Variants in CSNK1G3 observed in about 807,000 individuals in gnomAD.
The protein encoded by CSNK1G3 is casein kinase I isoform gamma-3.
Under a neutral mutation model 64.3 loss-of-function variants are expected in CSNK1G3, and 23 were observed. That is an observed-to-expected ratio of 0.36 (90% CI 0.26 to 0.51). The LOEUF is 0.51. Ranked by LOEUF, CSNK1G3 falls within the 20% of genes least tolerant of loss-of-function variation. The probability of loss-of-function intolerance (pLI) is 0.96; values close to 1 mark genes in which losing one functional copy is unlikely to be tolerated. For synonymous variants in CSNK1G3, 158 were observed against 162.2 expected (o/e 0.97, Z 0.20); for missense variants, 357 against 510.5 (o/e 0.70, Z 2.90).
intron 4 of CSNK1G3, among the ~76,000 whole-genome samples, chr5:123,558,163 A>G (rs900335447): frequency 5.9e-5 from 9 of 152,158 alleles, no homozygotes; most frequent in African/African-American, 9.7e-5. Context: ...ATTCAGACCA[A>G]TGAAACTGAT....
chr5:123,569,828 A>T (rs1787717688), intron 4 of CSNK1G3, among the ~76,000 whole-genome samples: 1 of 152,156 alleles, frequency 6.6e-6, no homozygotes, highest in Non-Finnish European at 1.5e-5. Flanking sequence ...CATTAATGGA[A>T]AGCATTCAAT....
At chr5:123,593,712 A>C (rs1792875911) in intron 10 of CSNK1G3, among the ~76,000 whole-genome samples, 1 of 152,142 alleles carries the variant, frequency 6.6e-6, no homozygotes, top group Non-Finnish European at 1.5e-5. Context: ...GTTTAACGAA[A>C]AGACATTATA....
At chr5:123,519,977 T>G (rs763199905) in intron 1 of CSNK1G3, among the ~76,000 whole-genome samples, 5 of 152,254 alleles carry the variant, frequency 3.3e-5, no homozygotes, top group African/African-American at 7.2e-5. Flanking sequence ...ACCTGTGTTC[T>G]TAGGCTTTGG....
chr5:123,528,632 A>T (rs1326105320), intron 1 of CSNK1G3, among the ~76,000 whole-genome samples: 1 of 152,142 alleles, frequency 6.6e-6, no homozygotes, highest in African/African-American at 2.4e-5. Flanking sequence ...GAAGATCAAA[A>T]GTTGTCTTTC....
chr5:123,553,471 T>G (rs1040558401), intron 3 of CSNK1G3, among the ~76,000 whole-genome samples: 2 of 152,234 alleles, frequency 1.3e-5, no homozygotes, highest in African/African-American at 4.8e-5. Context: ...TTTTGCCTTC[T>G]GATTCAAACA....
intron 1 of CSNK1G3, among the ~76,000 whole-genome samples, chr5:123,529,163 G>A (rs958187662): frequency 2.0e-5 from 3 of 152,166 alleles, no homozygotes; most frequent in African/African-American, 7.2e-5. Context: ...GTATAATGCT[G>A]TTGGCTATTA....
chr5:123,525,769 G>A (rs897986410), intron 1 of CSNK1G3, among the ~76,000 whole-genome samples: 60 of 151,988 alleles, frequency 3.9e-4, no homozygotes, highest in African/African-American at 1.4e-3. Context: ...TGAGGCGGGC[G>A]GATCACGAGG....
intron 10 of CSNK1G3, among the ~76,000 whole-genome samples, 163 bp downstream of exon 10, chr5:123,591,577 A>C (rs1792377748): frequency 6.6e-6 from 1 of 151,754 alleles, no homozygotes; most frequent in South Asian, 2.1e-4. Context: ...TAGCATTAAA[A>C]TGTTTAATCA....
Position 123,538,386 on chromosome 5 carries a change from A to G in CSNK1G3, c.-247-7031A>G, listed in dbSNP as rs115196153. On this transcript the variant is annotated intron_variant, in intron 1 of 12. Coordinates refer to ENST00000345990, the Ensembl canonical transcript of CSNK1G3. ...GCTATTTTAATGGGTGTGAAATGGT[A>G]TTTCATTATGGTTTTAATTTATGTT... 6.6e-3 allele frequency among the ~76,000 whole-genome samples: 1,010 copies of G among 152,262 alleles called. 18 individuals are homozygous for G. The highest frequency in any genetic ancestry group is 0.039 in the South Asian group (189 of 4,828).
At chr5:123,610,419 G>T (rs887377962) in intron 12 of CSNK1G3, among the ~76,000 whole-genome samples, 1 of 152,102 alleles carries the variant, frequency 6.6e-6, no homozygotes, top group Non-Finnish European at 1.5e-5. Flanking sequence ...CAAAGGATGA[G>T]CAATGAGTCA....
intron 6 of CSNK1G3, among the ~76,000 whole-genome samples, 171 bp from the exon 7 acceptor site, chr5:123,587,897 A>C (rs1170127673): frequency 6.6e-6 from 1 of 152,148 alleles, no homozygotes; most frequent in Admixed American, 6.5e-5. Flanking sequence ...TAATGTAAAA[A>C]CATTATTTAT....
At chr5:123,613,360 T>C (rs932989282) in intron 12 of CSNK1G3, among the ~76,000 whole-genome samples, 1 of 151,866 alleles carries the variant, frequency 6.6e-6, no homozygotes, top group African/African-American at 2.4e-5. Flanking sequence ...TCCTCCTGCC[T>C]CAGCCTCTCA....
At chr5:123,595,885 T>C (rs1388474428) in intron 10 of CSNK1G3, among the ~76,000 whole-genome samples, 1 of 152,124 alleles carries the variant, frequency 6.6e-6, no homozygotes, top group African/African-American at 2.4e-5. Flanking sequence ...TTTTAAAATA[T>C]CGGTTTAAGG....
chr5:123,515,046 ACAAT>A (rs1401368276), intron 1 of CSNK1G3, among the ~76,000 whole-genome samples: 3 of 152,142 alleles, frequency 2.0e-5, no homozygotes, highest in Non-Finnish European at 4.4e-5. Flanking sequence ...ATAATCCAAA[ACAAT>A]CTATATATAG....
chr5:123,610,944 T>C (rs1796227283), intron 12 of CSNK1G3, among the ~76,000 whole-genome samples: 1 of 152,220 alleles, frequency 6.6e-6, no homozygotes. Context: ...CTGTGAGCAG[T>C]CCTTTATGAA....
chr5:123,540,773 C>T (rs7722526), intron 1 of CSNK1G3, among the ~76,000 whole-genome samples: 28,890 of 152,048 alleles, frequency 0.19, 2,867 homozygotes, highest in Middle Eastern at 0.33. Context: ...GCTGGGACTA[C>T]AGGCATGTGC....
At chr5:123,531,317 T>G (rs997233540) in intron 1 of CSNK1G3, among the ~76,000 whole-genome samples, 1 of 152,110 alleles carries the variant, frequency 6.6e-6, no homozygotes, top group Admixed American at 6.5e-5. Context: ...TTAAGTAGAC[T>G]TAAGACTAAG....
chr5:123,565,715 A>C (rs1293680565), intron 4 of CSNK1G3, among the ~76,000 whole-genome samples: 1 of 152,120 alleles, frequency 6.6e-6, no homozygotes, highest in African/African-American at 2.4e-5. Flanking sequence ...AGCTTCTGGT[A>C]AGGCCTCAGG....
At chr5:123,613,136 T>C (rs1267434683) in intron 12 of CSNK1G3, among the ~76,000 whole-genome samples, 3 of 152,188 alleles carry the variant, frequency 2.0e-5, no homozygotes, top group African/African-American at 7.2e-5. Flanking sequence ...CCTTCATGCC[T>C]TTATTTGAAG....
Sources: allele counts gnomAD v4.1 joint callset (sites outside exome capture counted in the v4.1 genomes callset), GRCh38; gene constraint gnomAD v4.1.1; transcripts MANE v1.5; gene names NCBI Gene and HGNC (gene_info 2026-07-23, HGNC 2026-07-21).